Variants in ZFHX3 observed in about 807,000 individuals in gnomAD.
The protein encoded by ZFHX3 is zinc finger homeobox 3, also known as zinc finger homeobox protein 3.
In ZFHX3, 42 loss-of-function variants were observed where a neutral mutation model predicts 279.1. That is an observed-to-expected ratio of 0.15 (90% CI 0.12 to 0.19). ZFHX3 has a LOEUF of 0.19. ZFHX3 is among the 10% of genes least tolerant of loss of function. The pLI is 1.00. For synonymous variants in ZFHX3, 2,293 were observed against 1,957.8 expected, an observed-to-expected ratio of 1.17 and a Z score of -4.52; for missense variants, 4,981 against 4,754.0, an observed-to-expected ratio of 1.05 and a Z score of -1.40.
intron 2 of ZFHX3, among the ~76,000 whole-genome samples, chr16:73,517,097 C>T (rs879494938): frequency 1.3e-5 from 2 of 152,304 alleles, no homozygotes; most frequent in South Asian, 4.1e-4. Context: ...CTGAGCGGGT[C>T]TGTTTTCCTT....
chr16:73,343,412 A>C (rs2016070538), intron 3 of ZFHX3, among the ~76,000 whole-genome samples: 1 of 152,146 alleles, frequency 6.6e-6, no homozygotes, highest in Non-Finnish European at 1.5e-5. Flanking sequence ...TTGCTCCATA[A>C]AACAAGAAAG....
intron 6 of ZFHX3, among the ~76,000 whole-genome samples, chr16:73,141,208 A>G (rs1013131468): frequency 3.3e-5 from 5 of 152,212 alleles, no homozygotes; most frequent in Admixed American, 6.5e-5. Context: ...GTACTCCACC[A>G]GTGAAATACC....
At chr16:73,858,700 A>G (rs1961803732) in intron 1 of ZFHX3, among the ~76,000 whole-genome samples, 1 of 152,236 alleles carries the variant, frequency 6.6e-6, no homozygotes, top group African/African-American at 2.4e-5. Context: ...CACAAAGATA[A>G]CACAAAAGAT....
chr16:73,251,651 G>C (rs564131629), intron 5 of ZFHX3, among the ~76,000 whole-genome samples: 120 of 151,634 alleles, frequency 7.9e-4, no homozygotes, highest in African/African-American at 2.8e-3. Flanking sequence ...ATTAGGTTAG[G>C]GACAAGAGTA....
At chr16:73,512,079 T>G (rs2143689634) in intron 2 of ZFHX3, among the ~76,000 whole-genome samples, 1 of 152,130 alleles carries the variant, frequency 6.6e-6, no homozygotes, top group Non-Finnish European at 1.5e-5. Flanking sequence ...TGGGAATTAA[T>G]AGCTTACATG....
intron 5 of ZFHX3, among the ~76,000 whole-genome samples, chr16:73,222,680 A>G (rs1234029835): frequency 6.6e-6 from 1 of 152,084 alleles, no homozygotes; most frequent in Non-Finnish European, 1.5e-5. Flanking sequence ...TCTCAATCAA[A>G]AGCCTAGCAG....
At chr16:73,725,659 C>A (rs2053512973) in intron 1 of ZFHX3, among the ~76,000 whole-genome samples, 1 of 152,052 alleles carries the variant, frequency 6.6e-6, no homozygotes, top group Non-Finnish European at 1.5e-5. Flanking sequence ...GAGGAGCTAC[C>A]TAAGTCCTCC....
At chr16:73,508,097 G>A (rs576117545) in intron 2 of ZFHX3, among the ~76,000 whole-genome samples, 5 of 152,234 alleles carry the variant, frequency 3.3e-5, no homozygotes, top group South Asian at 2.1e-4. Context: ...TGCAATCTGC[G>A]TGGCACTCCA....
At chr16:72,874,491 C>T (rs892816562) in intron 4 of ZFHX3, among the ~76,000 whole-genome samples, 8 of 151,952 alleles carry the variant, frequency 5.3e-5, no homozygotes, top group Admixed American at 2.6e-4. Flanking sequence ...CGTGAGCCAC[C>T]GCGCCTGGCC....
At chr16:73,680,274 G>C (rs975301170) in intron 1 of ZFHX3, 2 of 151,922 alleles carry the variant, frequency 1.3e-5, no homozygotes, top group African/African-American at 4.8e-5. Context: ...TTAAGGAAAA[G>C]ATCTAGAAAA....
At chr16:72,883,216 C>A (rs573858109) in intron 4 of ZFHX3, among the ~76,000 whole-genome samples, 1 of 152,154 alleles carries the variant, frequency 6.6e-6, no homozygotes, top group East Asian at 1.9e-4. Context: ...GAACTCTGTT[C>A]CAACAGAAAA....
intron 3 of ZFHX3, among the ~76,000 whole-genome samples, chr16:73,380,558 A>G (rs1322011620): frequency 6.6e-6 from 1 of 152,254 alleles, no homozygotes; most frequent in African/African-American, 2.4e-5. Context: ...AAATTAGACA[A>G]CTTAGTAAAG....
chr16:73,192,238 C>A (rs1285240773), intron 5 of ZFHX3, among the ~76,000 whole-genome samples: 1 of 152,132 alleles, frequency 6.6e-6, no homozygotes, highest in Non-Finnish European at 1.5e-5. Flanking sequence ...GCAAAGCCCT[C>A]CCTGCCCCTC....
In ZFHX3 at chr16:73,012,666, AG is replaced by A. The variant is rs1334185497; in HGVS notation, c.-50+35085del. Among the ~76,000 whole-genome samples, 10 of 152,348 alleles carry A rather than the reference AG, an allele frequency of 6.6e-5. No homozygotes were observed. In the South Asian group the frequency reaches 1.9e-3, roughly 28 times the overall value. On this transcript the variant is annotated intron_variant, in intron 1 of 9. Transcript: ENST00000268489. ...GATGAAGACAAAGACAAAAGAGAAG[AG>A]GAGAGAAAAGGAAAATAATTTGATA...
intron 7 of ZFHX3, among the ~76,000 whole-genome samples, chr16:73,129,379 G>GACACACACACAC (rs59666622): frequency 0.038 from 5,282 of 137,832 alleles, 219 homozygotes; most frequent in Admixed American, 0.13. Context: ...CAGAGACTCT[G>GACACACACACAC]ACACACACAC....
At chr16:73,136,530 C>T (rs1966797075) in intron 6 of ZFHX3, among the ~76,000 whole-genome samples, 1 of 151,898 alleles carries the variant, frequency 6.6e-6, no homozygotes, top group Non-Finnish European at 1.5e-5. Flanking sequence ...TCGAGACCAG[C>T]CTGGCAAACA....
chr16:73,422,440 A>G (rs2017735513), intron 3 of ZFHX3, among the ~76,000 whole-genome samples: 1 of 152,312 alleles, frequency 6.6e-6, no homozygotes, highest in South Asian at 2.1e-4. Flanking sequence ...CTGTCTATCC[A>G]TTTCACAGCC....
chr16:72,885,140 G>A (rs1177530018), intron 4 of ZFHX3, among the ~76,000 whole-genome samples: 1 of 152,254 alleles, frequency 6.6e-6, no homozygotes, highest in Admixed American at 6.5e-5. Flanking sequence ...GTGGAAAAGT[G>A]TAACGACAAA....
chr16:72,873,094 T>C (rs780846536), intron 4 of ZFHX3, among the ~76,000 whole-genome samples: 1 of 152,218 alleles, frequency 6.6e-6, no homozygotes, highest in Non-Finnish European at 1.5e-5. Context: ...TACTTCCTGT[T>C]CCACTCTCTG....
Sources: gnomAD v4.1 joint callset for allele counts (sites outside exome capture counted in the v4.1 genomes callset) on GRCh38, gnomAD v4.1.1 for gene constraint, MANE v1.5 for transcripts, NCBI Gene and HGNC (gene_info 2026-07-23, HGNC 2026-07-21) for gene names.